CSMD3: variants seen among roughly 807,000 people sequenced by gnomAD.
CSMD3 encodes CUB and sushi domain-containing protein 3.
A neutral mutation model predicts 435.2 loss-of-function variants in CSMD3; 177 were observed. The observed-to-expected ratio is 0.41, with a 90% CI of 0.36 to 0.46. The LOEUF (loss-of-function observed/expected upper bound fraction) is 0.46. CSMD3 is among the 20% of genes least tolerant of loss of function. CSMD3 has a pLI of 0.34. For synonymous variants in CSMD3, 1,656 were observed against 1,520.5 expected, an observed-to-expected ratio of 1.09 and a Z score of -2.07; for missense variants, 4,265 against 4,504.6, an observed-to-expected ratio of 0.95 and a Z score of 1.52.
At chr8:113,432,436 C>T (rs534588359) in intron 1 of CSMD3, among the ~76,000 whole-genome samples, 6 of 152,202 alleles carry the variant, frequency 3.9e-5, no homozygotes, top group Non-Finnish European at 7.3e-5. Flanking sequence ...TGTGCGTGCC[C>T]CTGTGTCAGC....
intron 1 of CSMD3, among the ~76,000 whole-genome samples, chr8:113,429,998 G>T (rs1301525618): frequency 6.6e-6 from 1 of 152,164 alleles, no homozygotes; most frequent in African/African-American, 2.4e-5. Context: ...TCAGAATGCA[G>T]GGGATGAAAT....
intron 66 of CSMD3, among the ~76,000 whole-genome samples, chr8:112,238,555 A>T (rs1015011613): frequency 6.6e-6 from 1 of 151,942 alleles, no homozygotes; most frequent in African/African-American, 2.4e-5. Flanking sequence ...CATTCTTATC[A>T]CTTTGGAGTA....
chr8:113,177,005 CAGTA>C (rs1397534389), intron 3 of CSMD3, among the ~76,000 whole-genome samples: 5 of 151,308 alleles, frequency 3.3e-5, no homozygotes, highest in African/African-American at 7.3e-5. Flanking sequence ...TAAGTATTTA[CAGTA>C]AGTGATGATA....
At position 112,411,115 on chromosome 8, in the gene CSMD3, A is replaced by T. The variant is rs1271743114; in HGVS notation, c.5396-2083T>A. On this transcript the variant is annotated intron_variant, in intron 32 of 70. Transcript: ENST00000297405. ...CTTTTTCTGAGGAAAAAGAAAAAAA[A>T]ATTCATCTTTTTTTTTTTTTTTTTG... Among the ~76,000 whole-genome samples the T allele has an allele frequency of 1.2e-4, 16 of 135,650 alleles. No homozygotes were observed. The Admixed American group carries it at 1.3e-3, about 11-fold the overall frequency. 89.0% of individuals were successfully genotyped at this position (135,650 alleles called of 152,430 possible). A position where few individuals can be genotyped will look rare whatever the true frequency, so the allele number is the denominator to read the frequency against.
At chr8:113,317,858 T>TA (rs952136179) in intron 1 of CSMD3, among the ~76,000 whole-genome samples, 53 of 152,236 alleles carry the variant, frequency 3.5e-4, no homozygotes, top group African/African-American at 1.2e-3. Flanking sequence ...ATATCTATTT[T>TA]AAAAAAATCA....
At chr8:112,297,249 CAAAAAA>C (rs10551780) in intron 53 of CSMD3, among the ~76,000 whole-genome samples, 1 of 115,824 alleles carries the variant, frequency 8.6e-6, no homozygotes, top group South Asian at 2.6e-4. Context: ...AGTAAAGCCT[CAAAAAA>C]AAAAAAAAAA....
At chr8:113,004,660 T>C (rs532541664) in intron 6 of CSMD3, among the ~76,000 whole-genome samples, 25 of 151,982 alleles carry the variant, frequency 1.6e-4, no homozygotes, top group Non-Finnish European at 2.9e-4. Context: ...GTGGAATCAA[T>C]AGTCTAACAC....
At chr8:112,370,912 A>G (rs572092568) in intron 38 of CSMD3, among the ~76,000 whole-genome samples, 1 of 152,334 alleles carries the variant, frequency 6.6e-6, no homozygotes, top group Non-Finnish European at 1.5e-5. Context: ...TATTTGTTGA[A>G]TGAATGAAGA....
At chr8:112,226,411 C>G (rs1176141566) in intron 70 of CSMD3, among the ~76,000 whole-genome samples, 2 of 151,974 alleles carry the variant, frequency 1.3e-5, no homozygotes, top group African/African-American at 2.4e-5. Context: ...AAATTCACAC[C>G]ATGAATAAAA....
At chr8:112,934,863 G>C (rs2083230340) in intron 9 of CSMD3, among the ~76,000 whole-genome samples, 2 of 152,004 alleles carry the variant, frequency 1.3e-5, no homozygotes, top group South Asian at 4.1e-4. Flanking sequence ...CCATTCTGTA[G>C]GCTGTCCCTT....
intron 3 of CSMD3, among the ~76,000 whole-genome samples, chr8:113,268,437 T>C (rs1336659048): frequency 6.6e-6 from 1 of 151,812 alleles, no homozygotes; most frequent in Non-Finnish European, 1.5e-5. Context: ...AATTCAAGTG[T>C]ATGGTAGAAA....
At chr8:112,633,315 T>C (rs920241800) in intron 22 of CSMD3, among the ~76,000 whole-genome samples, 15 of 151,660 alleles carry the variant, frequency 9.9e-5, no homozygotes, top group Middle Eastern at 6.8e-3. Context: ...TATCAAAGTC[T>C]CCAGTCAGAG....
chr8:113,130,208 G>C (rs1368925986), intron 4 of CSMD3, among the ~76,000 whole-genome samples: 1 of 152,052 alleles, frequency 6.6e-6, no homozygotes, highest in Non-Finnish European at 1.5e-5. Flanking sequence ...AATAAAGCTA[G>C]GAAAAAGTAG....
At chr8:113,006,205 G>A (rs549332766) in intron 6 of CSMD3, among the ~76,000 whole-genome samples, 5 of 152,072 alleles carry the variant, frequency 3.3e-5, no homozygotes, top group South Asian at 2.1e-4. Flanking sequence ...TTGTGCATAC[G>A]TCCTGGATTA....
chr8:112,573,437 G>T, intron 24 of CSMD3, 64 bp downstream of exon 24: 1 of 1,241,132 alleles, frequency 8.1e-7, no homozygotes, highest in Non-Finnish European at 1.2e-6. Context: ...TTTGTGCAAT[G>T]TAATTATTTA....
At chr8:113,340,559 A>C (rs894567538) in intron 1 of CSMD3, among the ~76,000 whole-genome samples, 1 of 152,116 alleles carries the variant, frequency 6.6e-6, no homozygotes, top group African/African-American at 2.4e-5. Flanking sequence ...ACAATTTTCT[A>C]TCTGTTCTAT....
At chr8:112,234,233 T>C in intron 68 of CSMD3, 132 bp downstream of exon 68, 1 of 568,722 alleles carries the variant, frequency 1.8e-6, no homozygotes. Context: ...GAATACTAAA[T>C]ATTTATATTT....
In CSMD3 at chr8:112,289,320, A is replaced by G. The variant is rs202015200; in HGVS notation, c.9148+45T>C. ...TACGTTGCTACTACTACTACTAACA[A>G]TAATGTAATTTCCAACACATATTGT... is the stretch of plus-strand genomic sequence containing the variant. On this transcript the variant is annotated intron_variant, in intron 57 of 70. Coordinates refer to ENST00000297405, the MANE Select transcript of CSMD3 (RefSeq NM_198123.2). 2.9e-4 allele frequency: 443 copies of G among 1,503,348 alleles called. 3 individuals are homozygous for G. The highest frequency in any genetic ancestry group is 5.8e-5 in the Non-Finnish European group (63 of 1,080,040). The allele number at this position is 1,503,348 out of a possible 1,614,324, so 93.1% of individuals were successfully genotyped here.
intron 32 of CSMD3, among the ~76,000 whole-genome samples, chr8:112,428,545 T>C (rs886723956): frequency 6.6e-6 from 1 of 152,156 alleles, no homozygotes; most frequent in African/African-American, 2.4e-5. Flanking sequence ...TAAATGAATA[T>C]TCCTGGAGCT....
Sources: allele counts gnomAD v4.1 joint callset (sites outside exome capture counted in the v4.1 genomes callset), GRCh38; gene constraint gnomAD v4.1.1; transcripts MANE v1.5; gene names NCBI Gene and HGNC (gene_info 2026-07-23, HGNC 2026-07-21).